CELF2: variants seen among roughly 807,000 people sequenced by gnomAD.
The protein encoded by CELF2 is CUGBP Elav-like family member 2, also known as CUG triplet repeat RNA-binding protein 2.
CELF2 carries 8 observed loss-of-function variants against 62.6 expected under a neutral mutation model. The ratio of observed to expected loss-of-function variants is 0.13; its 90% CI spans 0.07 to 0.23. CELF2 has a LOEUF of 0.23. CELF2 is among the 10% of genes least tolerant of loss of function. The pLI is 1.00. For missense variants in CELF2, 333 were observed against 671.0 expected, an observed-to-expected ratio of 0.50 and a Z score of 5.56; for synonymous variants, 258 against 250.0, an observed-to-expected ratio of 1.03 and a Z score of -0.30.
chr10:11,120,367 T>G (rs1036124235), intron 1 of CELF2, among the ~76,000 whole-genome samples: 9 of 152,176 alleles, frequency 5.9e-5, no homozygotes, highest in African/African-American at 2.2e-4. Context: ...CAGAAAAGCT[T>G]TGCTGGGTTT....
At chr10:10,720,745 C>T in the CELF2 span, among the ~76,000 whole-genome samples, 1 of 152,222 alleles carries the variant, frequency 6.6e-6, no homozygotes, top group Admixed American at 6.5e-5. Context: ...CGAGTCCAGT[C>T]TCTTGGTTTG....
chr10:10,890,058 G>T lies in CELF2; in HGVS notation c.54-29906G>T, dbSNP rs181480003. On this transcript the variant is annotated intron_variant, in intron 1 of 13. Coordinates refer to the CELF2 transcript ENST00000636488. ...GGGGTCAGGGTCACAATGAGGAGGG[G>T]TTTTTTTCCCCTAAACTGCAACTGA... Among the ~76,000 whole-genome samples the T allele has an allele frequency of 7.4e-4, 112 of 152,172 alleles. No individual in the cohort carries two copies. The South Asian group carries it at 0.02, about 27-fold the overall frequency.
At chr10:10,690,774 G>T in the CELF2 span, among the ~76,000 whole-genome samples, 1 of 152,150 alleles carries the variant, frequency 6.6e-6, no homozygotes, top group African/African-American at 2.4e-5. Context: ...CAGCTACTCA[G>T]GAGGCTGAGG....
At chr10:10,846,082 A>G (rs1245898934) in intron 1 of CELF2, 7 of 984,876 alleles carry the variant, frequency 7.1e-6, no homozygotes. Context: ...ATTCGATCAG[A>G]TCCTTCTGCG....
At chr10:10,987,659 T>C (rs1191529619) in intron 2 of CELF2, among the ~76,000 whole-genome samples, 1 of 152,056 alleles carries the variant, frequency 6.6e-6, no homozygotes, top group Non-Finnish European at 1.5e-5. Flanking sequence ...TTTATAATAT[T>C]AACATACTAT....
Position 11,244,027 on chromosome 10 carries a change from A to G in CELF2, c.355-5126A>G, listed in dbSNP as rs886119961. ...GGCCCTCCCCCGTCTCCTGCTGTCT[A>G]CTGGGACCTGCAGGCATGTGCAGGG... On this transcript the variant is annotated intron_variant, in intron 3 of 12. Transcript: ENST00000633077. This position sits in a 1 kb window ranked among gnomAD's most constrained non-coding sequence, Gnocchi z 4.2. 2.6e-5 allele frequency among the ~76,000 whole-genome samples: 4 copies of G among 152,150 alleles called. No individual in the cohort carries two copies. The highest frequency in any genetic ancestry group is 7.2e-5 in the African/African-American group (3 of 41,440).
chr10:11,129,370 T>G (rs1471712499), intron 1 of CELF2, among the ~76,000 whole-genome samples: 1 of 152,240 alleles, frequency 6.6e-6, no homozygotes, highest in African/African-American at 2.4e-5. Flanking sequence ...CAGGCTTTGG[T>G]ATCAGGATGA....
At chr10:11,104,016 CTATT>C (rs1166515438) in intron 1 of CELF2, among the ~76,000 whole-genome samples, 1 of 152,074 alleles carries the variant, frequency 6.6e-6, no homozygotes, top group African/African-American at 2.4e-5. Flanking sequence ...AGCATGAAAA[CTATT>C]TATTTAAAGA....
At chr10:10,525,744 G>A in the CELF2 span, among the ~76,000 whole-genome samples, 1 of 152,196 alleles carries the variant, frequency 6.6e-6, no homozygotes, top group Non-Finnish European at 1.5e-5. Context: ...GGTCACTTAG[G>A]TTGATGGATT....
At chr10:10,625,613 T>A in the CELF2 span, among the ~76,000 whole-genome samples, 1 of 152,170 alleles carries the variant, frequency 6.6e-6, no homozygotes, top group Non-Finnish European at 1.5e-5. Flanking sequence ...AAGTGAAAAC[T>A]TCTTACTTGA....
chr10:10,591,240 G>A, the CELF2 span, among the ~76,000 whole-genome samples: 46 of 152,160 alleles, frequency 3.0e-4, no homozygotes, highest in African/African-American at 5.8e-4. Flanking sequence ...TCAATATTGC[G>A]TTATTTATAA....
intron 9 of CELF2, among the ~76,000 whole-genome samples, chr10:11,310,223 G>T (rs999080681): frequency 2.6e-5 from 4 of 152,228 alleles, no homozygotes; most frequent in Non-Finnish European, 5.9e-5. Context: ...GCTGTGAATT[G>T]TCAATGTTGG....
intron 1 of CELF2, among the ~76,000 whole-genome samples, chr10:11,054,144 A>G (rs929322173): frequency 2.0e-5 from 3 of 152,260 alleles, no homozygotes; most frequent in Non-Finnish European, 4.4e-5. Context: ...ATAAAAGAGT[A>G]AAAAGCCTGG....
At chr10:10,874,148 CA>C (rs913881525) in intron 1 of CELF2, among the ~76,000 whole-genome samples, 8 of 150,456 alleles carry the variant, frequency 5.3e-5, no homozygotes, top group Non-Finnish European at 7.4e-5. Flanking sequence ...CCTGCCTCTC[CA>C]AAAAAAAATG....
chr10:11,173,164 A>G (rs991170907), intron 2 of CELF2, among the ~76,000 whole-genome samples: 9 of 152,190 alleles, frequency 5.9e-5, no homozygotes, highest in Non-Finnish European at 1.3e-4. Flanking sequence ...ACCATCAGTC[A>G]CCCAGTTGTA....
In CELF2 at chr10:11,191,511, C is replaced by T. The variant is rs1267130104; in HGVS notation, c.271+25829C>T. ...GCGTCAGCTACCAACCTTGTGGTCT[C>T]GGGAAAGTGACCTATCAAGGGGGCA... On this transcript the variant is annotated intron_variant, in intron 2 of 12. Transcript: ENST00000633077. The surrounding 1 kb of genome is among the most constrained non-coding windows in gnomAD (Gnocchi z 4.1). Among the ~76,000 whole-genome samples the T allele has an allele frequency of 1.3e-5, 2 of 152,100 alleles. No homozygotes were observed. The highest frequency in any genetic ancestry group is 4.8e-5 in the African/African-American group (2 of 41,398).
the CELF2 span, among the ~76,000 whole-genome samples, chr10:10,645,571 T>C: frequency 6.6e-6 from 1 of 152,160 alleles, no homozygotes; most frequent in African/African-American, 2.4e-5. Context: ...GGAAAATCAC[T>C]TGAGCCCAGA....
chr10:10,556,788 G>A, the CELF2 span, among the ~76,000 whole-genome samples: 2 of 152,048 alleles, frequency 1.3e-5, no homozygotes, highest in East Asian at 1.9e-4. Flanking sequence ...GGCCAGTTAT[G>A]ATGAGCATTT....
chr10:10,706,762 A>C, the CELF2 span, among the ~76,000 whole-genome samples: 2 of 152,162 alleles, frequency 1.3e-5, no homozygotes, highest in African/African-American at 4.8e-5. Context: ...AAAATACTCA[A>C]ATTTCCAGAC....
Sources: allele counts gnomAD v4.1 joint callset (sites outside exome capture counted in the v4.1 genomes callset), GRCh38; gene constraint gnomAD v4.1.1; non-coding constraint Gnocchi (gnomAD v3.1); transcripts MANE v1.5; gene names NCBI Gene and HGNC (gene_info 2026-07-23, HGNC 2026-07-21).